Variants in ZIC4 observed in about 807,000 individuals in gnomAD.
ZIC4 encodes the protein Zic family zinc finger 4, also known as zinc finger protein ZIC 4.
ZIC4 carries 15 observed loss-of-function variants against 28.8 expected under a neutral mutation model. That is an observed-to-expected ratio of 0.52 (90% CI 0.35 to 0.80). The LOEUF (loss-of-function observed/expected upper bound fraction) is 0.80, where lower values mean the gene tolerates loss of function less well. Ranked by LOEUF, ZIC4 falls within the 30% of genes least tolerant of loss-of-function variation. ZIC4 has a pLI of 0.01. For synonymous variants in ZIC4, 220 were observed against 198.1 expected, an observed-to-expected ratio of 1.11 and a Z score of -0.93; for missense variants, 512 against 467.1, an observed-to-expected ratio of 1.10 and a Z score of -0.89.
chr3:147,389,012 A>C, intron 4 of ZIC4, 153 bp from the exon 5 acceptor site: 1 of 632,748 alleles, frequency 1.6e-6, no homozygotes, highest in East Asian at 2.7e-5. Context: ...GGGACTTTTT[A>C]AACATTGGCA....
At chr3:147,404,040 C>T (rs1286176164) in intron 1 of ZIC4, 11 of 1,537,100 alleles carry the variant, frequency 7.2e-6, no homozygotes, top group Non-Finnish European at 9.6e-6. Flanking sequence ...TAAGCTCCTT[C>T]CAGCACAAAT....
chr3:147,399,370 G>C (rs917660074), intron 2 of ZIC4, among the ~76,000 whole-genome samples: 1 of 152,140 alleles, frequency 6.6e-6, no homozygotes, highest in Non-Finnish European at 1.5e-5. Flanking sequence ...GTTGAATGAT[G>C]CAATTGTCTA....
intron 3 of ZIC4, chr3:147,393,298 T>G (rs2086964119): frequency 6.5e-6 from 1 of 152,834 alleles, no homozygotes; most frequent in Admixed American, 6.5e-5. Context: ...CGCAGGCCCC[T>G]AGGAGGCCAG....
intron 4 of ZIC4, chr3:147,389,401 G>T (rs2086861749): frequency 6.5e-6 from 1 of 152,790 alleles, no homozygotes; most frequent in Non-Finnish European, 1.5e-5. Flanking sequence ...TTTTAAAATT[G>T]AGGTCTTTTG....
At chr3:147,399,663 A>ATTTTTT (rs34229132) in intron 2 of ZIC4, among the ~76,000 whole-genome samples, 77 of 128,010 alleles carry the variant, frequency 6.0e-4, no homozygotes, top group East Asian at 1.3e-3. Context: ...AAAAACACGG[A>ATTTTTT]TTTTTTTTTT....
Position 147,396,694 on chromosome 3 carries a change from C to T in ZIC4, c.71-225G>A. 1 of 505,716 alleles carries T rather than the reference C, an allele frequency of 2.0e-6. No homozygotes were observed. Among genetic ancestry groups the T allele is most frequent in the Non-Finnish European group, 3.4e-6 (1 of 298,328 alleles). 31.3% of individuals were successfully genotyped at this position (505,716 alleles called of 1,614,324 possible). A position where few individuals can be genotyped will look rare whatever the true frequency, so the allele number is the denominator to read the frequency against. On this transcript the variant is annotated intron_variant, in intron 2 of 4. Coordinates refer to ENST00000383075, the MANE Select transcript of ZIC4 (RefSeq NM_032153.6). The surrounding 1 kb of genome is among the most constrained non-coding windows in gnomAD (Gnocchi z 4.2). ...TGTTGGGCCAAGTCCCCCGCCGCGC[C>T]ATGAGCTAGAGAGGGATGGTAGCGG...
chr3:147,390,323 A>C (rs949214347), intron 4 of ZIC4, among the ~76,000 whole-genome samples: 1 of 149,284 alleles, frequency 6.7e-6, no homozygotes, highest in Non-Finnish European at 1.5e-5. Context: ...AAGAAACTGG[A>C]GTCAAGAAAA....
At chr3:147,405,080 C>T (rs529174169) in intron 1 of ZIC4, among the ~76,000 whole-genome samples, 1 of 152,244 alleles carries the variant, frequency 6.6e-6, no homozygotes, top group African/African-American at 2.4e-5. Flanking sequence ...CTCCATTCGA[C>T]CCTCAAGCGC....
chr3:147,400,052 G>A (rs139622702), intron 2 of ZIC4, among the ~76,000 whole-genome samples: 1 of 152,176 alleles, frequency 6.6e-6, no homozygotes, highest in Non-Finnish European at 1.5e-5. Flanking sequence ...GGGGTTTTTA[G>A]TTGTTTCAGG....
rs1229691545 is a variant in ZIC4 at position 147,395,929 on chromosome 3, A to T, written c.611T>A (p.Phe204Tyr). The change falls in exon 3 of 5, where the codon TTC (phenylalanine) becomes TAC (tyrosine). Residue 204 changes from phenylalanine to tyrosine, a missense_variant. By Grantham distance (22) the Phe-to-Tyr change is conservative (BLOSUM62 3). This residue lies in a region of ZIC4 where 58 missense variants were observed against 93.8 expected (regional missense o/e 0.62). Transcript: ENST00000383075. ...CCCACACCCCGGGAAAGGACAAGGG[A>T]AGGGCTTCTCGCCCGTGTGCACGCG... Reference protein sequence around the residue: ...HIRVHTGEKPFPCPFPGCGKV... With the variant: ...HIRVHTGEKPYPCPFPGCGKV... 1.1e-5 allele frequency: 18 copies of T among 1,614,244 alleles called. No individual in the cohort carries two copies. The highest frequency in any genetic ancestry group is 1.4e-5 in the Non-Finnish European group (17 of 1,180,052).
At chr3:147,398,700 G>A (rs1481201001) in intron 2 of ZIC4, among the ~76,000 whole-genome samples, 1 of 152,044 alleles carries the variant, frequency 6.6e-6, no homozygotes, top group Non-Finnish European at 1.5e-5. Context: ...AACAGAGAAA[G>A]GCTTGTATCT....
chr3:147,391,488 G>A (rs1321723944), intron 3 of ZIC4: 3 of 429,960 alleles, frequency 7.0e-6, no homozygotes, highest in Non-Finnish European at 1.2e-5. Flanking sequence ...GGAGGGTATG[G>A]AGGAGGAGCG....
In ZIC4 at chr3:147,399,298, T is replaced by A. The variant is rs542855877; in HGVS notation, c.71-2829A>T. 9.4e-4 allele frequency among the ~76,000 whole-genome samples: 143 copies of A among 152,306 alleles called. 2 individuals carry two copies. Among genetic ancestry groups the A allele is most frequent in the African/African-American group, 3.2e-3 (135 of 41,580 alleles). ...CTGATCCTTCATCCAAGCAGTGGCATGGCCAGGTCTCCAGTGAAAGGTTTA... is the reference window on the plus strand; with the variant it reads ...CTGATCCTTCATCCAAGCAGTGGCAAGGCCAGGTCTCCAGTGAAAGGTTTA... On this transcript the variant is annotated intron_variant, in intron 2 of 4. Coordinates refer to ENST00000383075, the MANE Select transcript of ZIC4 (RefSeq NM_032153.6).
rs568875505 is a variant in ZIC4, at chr3:147,388,748, C to T, written c.*111G>A. On this transcript the variant is annotated 3_prime_UTR_variant, in exon 5 of 5. Transcript: ENST00000383075. ...AATCCTAACTTACCATGAAGATGCA[C>T]CGTGGCGAAGAAACACTGCTTTGTG... 5 of 721,518 alleles carry T rather than the reference C, an allele frequency of 6.9e-6. No homozygotes were observed. The highest frequency in any genetic ancestry group is 1.3e-5 in the Non-Finnish European group (5 of 392,470). 44.7% of individuals were successfully genotyped at this position (721,518 alleles called of 1,614,324 possible).
chr3:147,390,560 T>C (rs1200422679), intron 4 of ZIC4, among the ~76,000 whole-genome samples: 2 of 152,188 alleles, frequency 1.3e-5, no homozygotes, highest in Non-Finnish European at 2.9e-5. Context: ...CCCTGTCTCT[T>C]TTCGCCCCTA....
chr3:147,389,926 A>T (rs1365654385), intron 4 of ZIC4, among the ~76,000 whole-genome samples: 1 of 151,824 alleles, frequency 6.6e-6, no homozygotes, highest in African/African-American at 2.4e-5. Flanking sequence ...CTCGCTCTAC[A>T]CCCGGAGCCC....
At chr3:147,399,190 A>T (rs1010350148) in intron 2 of ZIC4, among the ~76,000 whole-genome samples, 1 of 152,086 alleles carries the variant, frequency 6.6e-6, no homozygotes, top group Non-Finnish European at 1.5e-5. Context: ...CTAGACTCTC[A>T]GGATATGTCT....
chr3:147,402,039 T>C (rs2087172967), intron 2 of ZIC4, among the ~76,000 whole-genome samples: 1 of 152,200 alleles, frequency 6.6e-6, no homozygotes, highest in African/African-American at 2.4e-5. Flanking sequence ...TGTCTACCAA[T>C]GAGGGAACAT....
chr3:147,395,692 T>A (rs2087024490), intron 3 of ZIC4, among the ~76,000 whole-genome samples, 160 bp downstream of exon 3: 2 of 152,260 alleles, frequency 1.3e-5, no homozygotes, highest in Admixed American at 1.3e-4. Context: ...CTTCTGTGAT[T>A]CTAAGAATAG....
Sources: gnomAD v4.1 joint callset for allele counts (sites outside exome capture counted in the v4.1 genomes callset) on GRCh38, gnomAD v4.1.1 for gene constraint, gnomAD v4.1.1 regional missense constraint, Gnocchi (gnomAD v3.1) non-coding constraint, MANE v1.5 for transcripts, NCBI Gene and HGNC (gene_info 2026-07-23, HGNC 2026-07-21) for gene names.